OASL: variants seen among roughly 807,000 people sequenced by gnomAD.
The protein encoded by OASL is 2'-5'-oligoadenylate synthase-like protein.
Under a neutral mutation model 35.3 loss-of-function variants are expected in OASL, and 28 were observed. That is an observed-to-expected ratio of 0.79 (90% CI 0.59 to 1.09). The LOEUF (loss-of-function observed/expected upper bound fraction) is 1.09. Ranked by LOEUF, OASL falls within the 50% of genes least tolerant of loss-of-function variation. OASL has a pLI of 0.00. For missense variants in OASL, 620 were observed against 635.2 expected (o/e 0.98, Z 0.26); for synonymous variants, 252 against 254.6 (o/e 0.99, Z 0.10).
exon 6 of OASL, chr12:121,020,439 A>C: frequency 9.3e-7 from 1 of 1,073,626 alleles, no homozygotes. Context: ...CTGGCCTGGG[A>C]TAACTCATTG....
exon 3 of OASL, chr12:121,031,512 C>A (rs1869729999): frequency 1.2e-6 from 2 of 1,614,110 alleles, no homozygotes; most frequent in East Asian, 4.5e-5. Context: ...CACGAAATTT[C>A]TCTGCAGCTC....
At position 121,033,740 on chromosome 12, in the gene OASL, CCACCTG is replaced by C; in HGVS notation, c.199-3_201del. 1.2e-6 allele frequency: 2 copies of C among 1,611,784 alleles called. No homozygotes were observed. The highest frequency in any genetic ancestry group is 1.3e-5 in the African/African-American group (1 of 74,948). ...AGAACCGTGCCATTCCCGAAGGAGCCCACCTGCAGAACACAGAGCCCCGTCACCCTG... is the reference window on the plus strand; with the variant it reads ...AGAACCGTGCCATTCCCGAAGGAGCCCAGAACACAGAGCCCCGTCACCCTG... On this transcript the variant is annotated splice_acceptor_variant and splice_polypyrimidine_tract_variant and coding_sequence_variant and intron_variant, in exon 2 of 6. Coordinates refer to ENST00000257570, the Ensembl canonical transcript of OASL. LOFTEE classifies it high-confidence loss of function.
chr12:121,033,509 T>TC lies in OASL; in HGVS notation c.432dup (p.Thr145AspfsTer28). ...ATGGTGACCGTGATGGGCTCCGCAG[T>TC]CCCCCTGGTCTGGATGGTGAAGACG... On this transcript the variant is annotated frameshift_variant, in exon 2 of 6. Transcript: ENST00000257570. LOFTEE classifies it high-confidence loss of function. 1 of 1,613,968 alleles carries TC rather than the reference T, an allele frequency of 6.2e-7. No individual in the cohort carries two copies. Among genetic ancestry groups the TC allele is most frequent in the East Asian group, 2.2e-5 (1 of 44,866 alleles).
intron 1 of OASL, among the ~76,000 whole-genome samples, chr12:121,037,164 G>C (rs1359499585): frequency 6.6e-6 from 1 of 152,126 alleles, no homozygotes; most frequent in Non-Finnish European, 1.5e-5. Flanking sequence ...TGGGAGTCAG[G>C]GGTCCTAATT....
chr12:121,037,240 C>T (rs947068543), intron 1 of OASL, among the ~76,000 whole-genome samples: 13 of 152,002 alleles, frequency 8.6e-5, no homozygotes, highest in African/African-American at 1.9e-4. Flanking sequence ...CTCTGTGCCT[C>T]GGTTTACTTA....
At chr12:121,022,665 A>C (rs1869294697) in intron 5 of OASL, among the ~76,000 whole-genome samples, 1 of 152,132 alleles carries the variant, frequency 6.6e-6, no homozygotes, top group Admixed American at 6.5e-5. Context: ...CTTCTGCTCC[A>C]AGCAGTTCAG....
chr12:121,022,503 C>T (rs1461561651), intron 5 of OASL, among the ~76,000 whole-genome samples: 3 of 152,186 alleles, frequency 2.0e-5, no homozygotes, highest in East Asian at 3.8e-4. Context: ...TACAGGCGTG[C>T]GCCACTGCCC....
intron 4 of OASL, among the ~76,000 whole-genome samples, chr12:121,026,102 T>C (rs1354552602): frequency 6.6e-6 from 1 of 152,120 alleles, no homozygotes; most frequent in South Asian, 2.1e-4. Flanking sequence ...AGATCCCTTA[T>C]ACCTGGGAGG....
chr12:121,036,554 T>G (rs1869965099), intron 1 of OASL, among the ~76,000 whole-genome samples: 1 of 151,930 alleles, frequency 6.6e-6, no homozygotes, highest in South Asian at 2.1e-4. Context: ...GAGGCCGAGG[T>G]GGGTGGATCA....
chr12:121,036,919 C>G (rs1301504451), intron 1 of OASL, among the ~76,000 whole-genome samples: 1 of 152,104 alleles, frequency 6.6e-6, no homozygotes, highest in Non-Finnish European at 1.5e-5. Flanking sequence ...GCCCCAATCA[C>G]AGATGAAAAG....
intron 5 of OASL, among the ~76,000 whole-genome samples, chr12:121,023,290 T>TTTC (rs776113756): frequency 0.026 from 3,535 of 134,220 alleles, 108 homozygotes; most frequent in Middle Eastern, 0.047. Context: ...TTTTTTTCTT[T>TTTC]TTTTCTTTTT....
exon 4 of OASL, chr12:121,027,657 A>G: frequency 6.2e-7 from 1 of 1,614,194 alleles, no homozygotes; most frequent in Non-Finnish European, 8.5e-7. Context: ...GTAGATACAG[A>G]TGACTTCATA....
At chr12:121,020,701 G>C in exon 6 of OASL, 1 of 1,614,194 alleles carries the variant, frequency 6.2e-7, no homozygotes, top group Non-Finnish European at 8.5e-7. Flanking sequence ...TTTTTAGGAA[G>C]CCCCTGCTGG....
At chr12:121,027,295 A>G (rs1869526510) in intron 4 of OASL, among the ~76,000 whole-genome samples, 2 of 79,918 alleles carry the variant, frequency 2.5e-5, no homozygotes, top group African/African-American at 6.0e-5. Context: ...GCTAGCTCCT[A>G]CAAAGCACTG....
intron 5 of OASL, chr12:121,023,731 G>A: frequency 2.6e-6 from 1 of 385,752 alleles, no homozygotes; most frequent in Non-Finnish European, 4.8e-6. Flanking sequence ...GAATGATCAG[G>A]AACACAGAAC....
chr12:121,033,043 C>A (rs986906077), intron 2 of OASL, among the ~76,000 whole-genome samples: 2 of 151,866 alleles, frequency 1.3e-5, no homozygotes, highest in Non-Finnish European at 2.9e-5. Flanking sequence ...CTCTGCCTCA[C>A]CCTCCTGAGT....
exon 2 of OASL, chr12:121,033,563 T>G (rs553252644): frequency 1.2e-6 from 2 of 1,614,180 alleles, no homozygotes; most frequent in South Asian, 2.2e-5. Flanking sequence ...TGCTCCATCC[T>G]CAGGTCCTCG....
At chr12:121,022,809 G>C (rs936971361) in intron 5 of OASL, among the ~76,000 whole-genome samples, 4 of 152,084 alleles carry the variant, frequency 2.6e-5, no homozygotes, top group Non-Finnish European at 5.9e-5. Flanking sequence ...CTTTTTAAAG[G>C]AATCTTCTCT....
chr12:121,031,571 G>A (rs1451797032), exon 3 of OASL: 2 of 1,613,972 alleles, frequency 1.2e-6, no homozygotes, highest in African/African-American at 2.7e-5. Context: ...CCTTGATCAG[G>A]CTCACATAGA....
Sources: allele counts gnomAD v4.1 joint callset (sites outside exome capture counted in the v4.1 genomes callset), GRCh38; gene constraint gnomAD v4.1.1; transcripts MANE v1.5; gene names NCBI Gene and HGNC (gene_info 2026-07-23, HGNC 2026-07-21).